Variants in PIK3C3 observed in about 807,000 individuals in gnomAD.
The protein encoded by PIK3C3 is PI3-kinase type 3.
A neutral mutation model predicts 126.1 loss-of-function variants in PIK3C3; 95 were observed. The observed-to-expected ratio is 0.75, with a 90% CI of 0.64 to 0.89. The LOEUF (loss-of-function observed/expected upper bound fraction) is 0.89, where lower values mean the gene tolerates loss of function less well. Among genes scored for constraint, PIK3C3 ranks in the 40% least tolerant of loss-of-function variants. The pLI is 0.00. For synonymous variants in PIK3C3, 374 were observed against 360.0 expected (o/e 1.04, Z -0.44); for missense variants, 829 against 1,063.2 (o/e 0.78, Z 3.06).
intron 4 of PIK3C3, among the ~76,000 whole-genome samples, chr18:41,975,460 A>T (rs1598858496): frequency 6.6e-6 from 1 of 152,182 alleles, no homozygotes; most frequent in Non-Finnish European, 1.5e-5. Flanking sequence ...CGTTTCTATT[A>T]TTGCCAAAAG....
chr18:42,028,944 C>T (rs1983695408), intron 14 of PIK3C3, among the ~76,000 whole-genome samples: 6 of 152,116 alleles, frequency 3.9e-5, no homozygotes, highest in Admixed American at 3.9e-4. Context: ...ATCTTTGTTT[C>T]TGCCATATAC....
intron 4 of PIK3C3, among the ~76,000 whole-genome samples, chr18:41,981,429 A>G (rs1347839247): frequency 6.6e-6 from 1 of 152,194 alleles, no homozygotes; most frequent in Non-Finnish European, 1.5e-5. Context: ...TATGAAGCAA[A>G]TACTACTCTT....
intron 20 of PIK3C3, among the ~76,000 whole-genome samples, chr18:42,048,269 T>C (rs1379694304): frequency 2.0e-5 from 3 of 152,218 alleles, no homozygotes; most frequent in African/African-American, 4.8e-5. Context: ...AGGTGAAGGC[T>C]CTGTGTTTCT....
At chr18:42,049,750 G>A in intron 21 of PIK3C3, 145 bp downstream of exon 21, 1 of 576,352 alleles carries the variant, frequency 1.7e-6, no homozygotes, top group Non-Finnish European at 3.2e-6. Context: ...AAGGCGGGTG[G>A]ATCACCTGAG....
At chr18:42,044,655 C>T (rs761619685) in intron 20 of PIK3C3, among the ~76,000 whole-genome samples, 5 of 152,038 alleles carry the variant, frequency 3.3e-5, no homozygotes, top group Non-Finnish European at 5.9e-5. Context: ...TGGGCTCAAA[C>T]GATCACCACC....
At chr18:42,075,089 C>T (rs957766045) in intron 24 of PIK3C3, among the ~76,000 whole-genome samples, 2 of 151,980 alleles carry the variant, frequency 1.3e-5, no homozygotes, top group African/African-American at 2.4e-5. Context: ...TTTATAATAA[C>T]TAAAATTTGT....
At chr18:42,063,387 G>T (rs901471422) in intron 22 of PIK3C3, among the ~76,000 whole-genome samples, 3 of 152,180 alleles carry the variant, frequency 2.0e-5, no homozygotes, top group African/African-American at 7.2e-5. Context: ...TTGGTTGAAT[G>T]AATAAAATGA....
chr18:41,977,281 A>T (rs1028595202), intron 4 of PIK3C3, among the ~76,000 whole-genome samples: 4 of 152,208 alleles, frequency 2.6e-5, no homozygotes, highest in Non-Finnish European at 4.4e-5. Context: ...ATTTCATCAT[A>T]GTCAGTGCAA....
intron 2 of PIK3C3, 107 bp from the exon 3 acceptor site, chr18:41,962,382 A>G (rs1980133040): frequency 1.2e-6 from 1 of 865,280 alleles, no homozygotes; most frequent in Non-Finnish European, 1.6e-6. Context: ...GTCTAACAAC[A>G]TTTTTGGAAC....
rs115003446 is a variant in PIK3C3, at chr18:42,080,750, A to T, written c.2650-373A>T. Among the ~76,000 whole-genome samples, 570 of 152,234 alleles carry T rather than the reference A, an allele frequency of 3.7e-3. 7 individuals carry two copies. Among genetic ancestry groups the T allele is most frequent in the African/African-American group, 0.013 (532 of 41,538 alleles). ...CTACAGGTTTTCACAGCCTCTCAAAATGTGGCACCAAGAACCAAGCACACT... is the reference window on the plus strand; with the variant it reads ...CTACAGGTTTTCACAGCCTCTCAAATTGTGGCACCAAGAACCAAGCACACT... On this transcript the variant is annotated intron_variant, in intron 24 of 24. Transcript: ENST00000262039.
intron 24 of PIK3C3, among the ~76,000 whole-genome samples, chr18:42,079,554 G>T (rs1986160513): frequency 1.3e-5 from 2 of 148,896 alleles, no homozygotes; most frequent in South Asian, 4.3e-4. Context: ...TGCGCAAGCA[G>T]AGTTGCCACA....
At chr18:41,957,962 T>C (rs943267401) in intron 2 of PIK3C3, among the ~76,000 whole-genome samples, 18 of 152,212 alleles carry the variant, frequency 1.2e-4, no homozygotes, top group African/African-American at 4.3e-4. Context: ...TGGATTTATG[T>C]TTGTAGTTAG....
rs1325984873 is a variant in PIK3C3 at position 42,020,703 on chromosome 18, C to G, written c.1482C>G (p.Tyr494Ter). ...ACTCAACACTGGCTAATTATTTATA[C>G]TGGTATGTAAAAATAATTTTCTGTT... ...CKNSTLANYL[Y>*]WYVIVECEDQ... Residue 494 changes from tyrosine to a stop codon, truncating the protein, a stop_gained and splice_region_variant, in exon 13 of 25, where the codon TAC becomes TAG. Coordinates refer to ENST00000262039, the MANE Select transcript of PIK3C3 (RefSeq NM_002647.4). LOFTEE classifies it high-confidence loss of function. The G allele has an allele frequency of 2.6e-6, 4 of 1,549,076 alleles. No individual in the cohort carries two copies. Among genetic ancestry groups the G allele is most frequent in the Non-Finnish European group, 3.6e-6 (4 of 1,123,784 alleles).
chr18:41,999,385 T>C (rs1330196183), intron 9 of PIK3C3, among the ~76,000 whole-genome samples: 2 of 152,114 alleles, frequency 1.3e-5, no homozygotes, highest in African/African-American at 4.8e-5. Context: ...TTGATTATGC[T>C]TGGGGGAAAA....
chr18:41,981,591 C>T (rs1268429841), intron 4 of PIK3C3, among the ~76,000 whole-genome samples: 1 of 152,130 alleles, frequency 6.6e-6, no homozygotes, highest in Admixed American at 6.6e-5. Flanking sequence ...TGCACACGTA[C>T]ATGATTCTTT....
intron 10 of PIK3C3, among the ~76,000 whole-genome samples, chr18:42,010,088 T>A (rs780885300): frequency 7.9e-5 from 12 of 152,324 alleles, no homozygotes; most frequent in Non-Finnish European, 1.6e-4. Flanking sequence ...AAAATTGAAG[T>A]CAGTCCTCCC....
intron 1 of PIK3C3, 87 bp downstream of exon 1, chr18:41,955,446 T>C (rs767215767): frequency 8.7e-7 from 1 of 1,150,700 alleles, no homozygotes; most frequent in Non-Finnish European, 1.3e-6. Flanking sequence ...AGGCAGAAAG[T>C]ACGTGACTCG....
intron 15 of PIK3C3, among the ~76,000 whole-genome samples, chr18:42,030,940 C>T (rs1052676710): frequency 6.6e-6 from 1 of 152,170 alleles, no homozygotes; most frequent in Non-Finnish European, 1.5e-5. Flanking sequence ...TGAGACATCA[C>T]TCAGAGTCTC....
At chr18:41,990,256 G>C (rs564826406) in intron 5 of PIK3C3, among the ~76,000 whole-genome samples, 48 of 152,198 alleles carry the variant, frequency 3.2e-4, no homozygotes, top group Non-Finnish European at 5.6e-4. Context: ...AGACACTACT[G>C]AATAAACAGT....
Sources: allele counts gnomAD v4.1 joint callset (sites outside exome capture counted in the v4.1 genomes callset), GRCh38; gene constraint gnomAD v4.1.1; transcripts MANE v1.5; gene names NCBI Gene and HGNC (gene_info 2026-07-23, HGNC 2026-07-21).